The following CDYL2 variants were observed in gnomAD, a reference collection of about 807,000 sequenced individuals.
The protein encoded by CDYL2 is chromodomain Y like 2.
CDYL2 carries 23 observed loss-of-function variants against 49.4 expected under a neutral mutation model. The observed-to-expected ratio is 0.47, with a 90% CI of 0.34 to 0.66. The LOEUF (loss-of-function observed/expected upper bound fraction) is 0.66. Ranked by LOEUF, CDYL2 falls within the 30% of genes least tolerant of loss-of-function variation. CDYL2 has a pLI of 0.01. For missense variants in CDYL2, 678 were observed against 656.4 expected (o/e 1.03, Z -0.36); for synonymous variants, 360 against 268.8 (o/e 1.34, Z -3.32).
chr16:80,724,396 G>C (rs1460477271), intron 1 of CDYL2, among the ~76,000 whole-genome samples: 3 of 152,148 alleles, frequency 2.0e-5, no homozygotes, highest in Non-Finnish European at 4.4e-5. Context: ...ATTGCTATCA[G>C]GTGGCTCTTT....
intron 1 of CDYL2, among the ~76,000 whole-genome samples, chr16:80,786,678 C>T (rs1015176649): frequency 6.6e-6 from 1 of 152,092 alleles, no homozygotes; most frequent in Non-Finnish European, 1.5e-5. Context: ...CCCAAATGTC[C>T]ATCAATGATA....
chr16:80,724,611 G>C lies in CDYL2; in HGVS notation c.25-39482C>G, dbSNP rs61154328. Among the ~76,000 whole-genome samples, 633 of 152,244 alleles carry C rather than the reference G, an allele frequency of 4.2e-3. 3 individuals carry two copies. The highest frequency in any genetic ancestry group is 0.015 in the African/African-American group (609 of 41,534). On this transcript the variant is annotated intron_variant, in intron 1 of 6. Transcript: ENST00000570137. ...GGCATGAACTATATCAGTGTGTATT[G>C]CCTGTAATATTGTTTTATGAAGGCT... is the stretch of plus-strand genomic sequence containing the variant.
chr16:80,652,024 G>A (rs572361371), intron 2 of CDYL2, among the ~76,000 whole-genome samples: 2 of 152,238 alleles, frequency 1.3e-5, no homozygotes, highest in South Asian at 4.1e-4. Flanking sequence ...GATAAAGATG[G>A]CTGCATACAG....
Position 80,804,230 on chromosome 16 carries a change from TGCGTGTGCGCGCGGGGTCCGGTGTGC to T in CDYL2, c.-83_-58del. 7.6e-7 allele frequency: 1 copy of T among 1,321,980 alleles called. No individual in the cohort carries two copies. The highest frequency in any genetic ancestry group is 9.9e-7 in the Non-Finnish European group (1 of 1,007,430). 81.9% of individuals were successfully genotyped at this position (1,321,980 alleles called of 1,614,324 possible). ...CGCGTCTGCTCGCTCGCGCCCTCCG[TGCGTGTGCGCGCGGGGTCCGGTGTGC>T]GCGTGTGTGTGCGCGCGTGTGTGTG... On this transcript the variant is annotated 5_prime_UTR_variant, in exon 1 of 7. Transcript: ENST00000570137.
At chr16:80,795,578 G>T (rs887881727) in intron 1 of CDYL2, among the ~76,000 whole-genome samples, 1 of 152,136 alleles carries the variant, frequency 6.6e-6, no homozygotes, top group Non-Finnish European at 1.5e-5. Context: ...GGACAAGAAG[G>T]GGTGGATCAG....
chr16:80,691,228 C>T (rs538620079), intron 1 of CDYL2, among the ~76,000 whole-genome samples: 25 of 152,284 alleles, frequency 1.6e-4, no homozygotes, highest in African/African-American at 5.8e-4. Flanking sequence ...GAGACAACTC[C>T]CTTGGGGGCG....
intron 1 of CDYL2, among the ~76,000 whole-genome samples, chr16:80,706,368 C>T (rs1027650079): frequency 6.6e-6 from 1 of 152,174 alleles, no homozygotes; most frequent in Non-Finnish European, 1.5e-5. Flanking sequence ...CAGTGAAGGG[C>T]TCAAGCTCTC....
chr16:80,604,639 A>T, intron 6 of CDYL2, 93 bp from the exon 7 acceptor site: 1 of 1,352,598 alleles, frequency 7.4e-7, no homozygotes, highest in Non-Finnish European at 1.1e-6. Flanking sequence ...CCAACCTCCC[A>T]TACTCACAGC....
intron 5 of CDYL2, among the ~76,000 whole-genome samples, chr16:80,608,971 T>A (rs1427669429): frequency 1.3e-5 from 2 of 152,064 alleles, no homozygotes; most frequent in Non-Finnish European, 2.9e-5. Context: ...GCCAAAAAGG[T>A]CGTGAATAAC....
intron 4 of CDYL2, among the ~76,000 whole-genome samples, chr16:80,616,007 C>G (rs1231970543): frequency 7.2e-5 from 11 of 152,212 alleles, no homozygotes; most frequent in South Asian, 4.1e-4. Context: ...CGCCACCTTC[C>G]CCCACATCCA....
intron 1 of CDYL2, among the ~76,000 whole-genome samples, chr16:80,723,800 T>C (rs79721524): frequency 3.6e-3 from 541 of 152,046 alleles, no homozygotes; most frequent in South Asian, 0.019. Context: ...CTCTCTGGCA[T>C]TGGTAGAAAG....
At chr16:80,711,660 T>A (rs1904600147) in intron 1 of CDYL2, among the ~76,000 whole-genome samples, 1 of 152,184 alleles carries the variant, frequency 6.6e-6, no homozygotes, top group Non-Finnish European at 1.5e-5. Flanking sequence ...TTCAGAAATG[T>A]AGGGATAACA....
chr16:80,798,786 T>C lies in CDYL2; in HGVS notation c.24+5364A>G, dbSNP rs138101601. Reference sequence around the variant, plus strand: ...ACAGCAATTTCACTGTATATGAAATTGTTTATGCTGAAGAAACTAGTAAGA... The same window carrying C: ...ACAGCAATTTCACTGTATATGAAATCGTTTATGCTGAAGAAACTAGTAAGA... On this transcript the variant is annotated intron_variant, in intron 1 of 6. Coordinates refer to ENST00000570137, the MANE Select transcript of CDYL2 (RefSeq NM_152342.4). Among the ~76,000 whole-genome samples, 1,326 of 142,310 alleles carry C rather than the reference T, an allele frequency of 9.3e-3. 14 individuals are homozygous for C. Among genetic ancestry groups the C allele is most frequent in the Middle Eastern group, 0.087 (24 of 276 alleles). 93.4% of individuals were successfully genotyped at this position (142,310 alleles called of 152,430 possible).
chr16:80,767,426 T>C (rs1906763561), intron 1 of CDYL2, among the ~76,000 whole-genome samples: 1 of 152,194 alleles, frequency 6.6e-6, no homozygotes, highest in Non-Finnish European at 1.5e-5. Flanking sequence ...AATGCAATAG[T>C]GAGAATAACT....
At chr16:80,781,349 A>G (rs922293152) in intron 1 of CDYL2, among the ~76,000 whole-genome samples, 1 of 152,206 alleles carries the variant, frequency 6.6e-6, no homozygotes, top group Non-Finnish European at 1.5e-5. Flanking sequence ...GCAACTATAA[A>G]CATATGTGCA....
intron 2 of CDYL2, among the ~76,000 whole-genome samples, chr16:80,661,314 G>C (rs1470400107): frequency 2.0e-5 from 3 of 146,480 alleles, no homozygotes; most frequent in Admixed American, 6.7e-5. Flanking sequence ...TGGGCAGCTG[G>C]AGTAGAAGTG....
intron 2 of CDYL2, among the ~76,000 whole-genome samples, chr16:80,650,819 A>C (rs1290464788): frequency 3.3e-5 from 5 of 152,142 alleles, no homozygotes; most frequent in Admixed American, 2.6e-4. Flanking sequence ...ATCTGCAACA[A>C]CACAGATGGA....
At chr16:80,707,889 C>T (rs922772948) in intron 1 of CDYL2, among the ~76,000 whole-genome samples, 1 of 152,148 alleles carries the variant, frequency 6.6e-6, no homozygotes, top group Admixed American at 6.5e-5. Flanking sequence ...CAGTAAGAGA[C>T]CATTGATGCC....
intron 1 of CDYL2, among the ~76,000 whole-genome samples, chr16:80,715,320 T>A (rs1026340858): frequency 1.3e-5 from 2 of 152,084 alleles, no homozygotes; most frequent in African/African-American, 4.8e-5. Context: ...GATCCCACCA[T>A]AGTCAACAAT....
Sources: allele counts gnomAD v4.1 joint callset (sites outside exome capture counted in the v4.1 genomes callset), GRCh38; gene constraint gnomAD v4.1.1; transcripts MANE v1.5; gene names NCBI Gene and HGNC (gene_info 2026-07-23, HGNC 2026-07-21).